Variants in SDC4 observed in about 807,000 individuals in gnomAD.
SDC4 encodes the protein syndecan-4.
Under a neutral mutation model 20.5 loss-of-function variants are expected in SDC4, and 17 were observed. The observed-to-expected ratio is 0.83, with a 90% CI of 0.57 to 1.25. The LOEUF (loss-of-function observed/expected upper bound fraction) is 1.25, where lower values mean the gene tolerates loss of function less well. Ranked by LOEUF, SDC4 falls within the 50% of genes most tolerant of loss-of-function variation. The pLI is 0.00. For missense variants in SDC4, 241 were observed against 252.3 expected, an observed-to-expected ratio of 0.96 and a Z score of 0.30; for synonymous variants, 107 against 105.3, an observed-to-expected ratio of 1.02 and a Z score of -0.10.
chr20:45,339,298 G>A (rs968093241), intron 1 of SDC4, among the ~76,000 whole-genome samples: 4 of 152,170 alleles, frequency 2.6e-5, no homozygotes, highest in East Asian at 1.9e-4. Context: ...GATGGACCCC[G>A]CCCTGCTCCT....
chr20:45,348,357 G>A lies in SDC4; in HGVS notation c.28C>T (p.Leu10=). ...GCGACTCCGCCTACGAAGAACAGCA[G>A]CAGCGCGAACAGACGGGCGGGGGCC... is the stretch of plus-strand genomic sequence containing the variant. The part of the protein sequence containing the change: MAPARLFAL[L]LFFVGGVAES... Residue 10 remains leucine (L), a synonymous_variant, in exon 1 of 5, where the codon CTG becomes TTG. Transcript: ENST00000372733. 6.3e-7 allele frequency: 1 copy of A among 1,592,550 alleles called. No homozygotes were observed. Among genetic ancestry groups the A allele is most frequent in the Non-Finnish European group, 8.5e-7 (1 of 1,170,968 alleles).
Position 45,333,041 on chromosome 20 carries a change from A to C in SDC4, c.228T>G (p.Pro76=), listed in dbSNP as rs745342005. ...LDDLEDSMIG[P]EVVHPLVPLD... ...TACTTACCAAGGGATGGACAACTTC[A>C]GGGCCGATCATGGAGTCTTCCAAGT... Residue 76 remains proline, a synonymous_variant, in exon 3 of 5, where the codon CCT becomes CCG. Transcript: ENST00000372733. 2.6e-5 allele frequency: 42 copies of C among 1,614,110 alleles called. No individual in the cohort carries two copies. The South Asian group carries it at 4.2e-4, about 16-fold the overall frequency.
intron 3 of SDC4, among the ~76,000 whole-genome samples, chr20:45,331,108 G>A (rs1168161454): frequency 6.6e-6 from 1 of 152,188 alleles, no homozygotes; most frequent in African/African-American, 2.4e-5. Flanking sequence ...TCTGGATCGG[G>A]ACCCCTTTCT....
intron 1 of SDC4, among the ~76,000 whole-genome samples, chr20:45,342,883 T>C (rs1987974987): frequency 6.6e-6 from 1 of 152,230 alleles, no homozygotes; most frequent in African/African-American, 2.4e-5. Context: ...AGCCAAACTC[T>C]GGCCGGGTTA....
chr20:45,332,072 T>C (rs1359399919), intron 3 of SDC4, among the ~76,000 whole-genome samples: 1 of 152,026 alleles, frequency 6.6e-6, no homozygotes, highest in Non-Finnish European at 1.5e-5. Context: ...ACGCAGCCTA[T>C]AAAAATGACA....
chr20:45,337,107 C>T (rs570281326), intron 1 of SDC4, among the ~76,000 whole-genome samples: 24 of 152,246 alleles, frequency 1.6e-4, no homozygotes, highest in Admixed American at 7.2e-4. Flanking sequence ...ACATCAGTTA[C>T]CCTGCTCCCA....
At chr20:45,341,647 G>A (rs1325234952) in intron 1 of SDC4, among the ~76,000 whole-genome samples, 1 of 152,174 alleles carries the variant, frequency 6.6e-6, no homozygotes, top group Non-Finnish European at 1.5e-5. Context: ...AGGTCTGGGG[G>A]TGGGGGTGGA....
At chr20:45,340,318 G>T (rs1371056904) in intron 1 of SDC4, among the ~76,000 whole-genome samples, 1 of 152,180 alleles carries the variant, frequency 6.6e-6, no homozygotes, top group Non-Finnish European at 1.5e-5. Flanking sequence ...GCCTTGCAAG[G>T]TGCTCTACCC....
At chr20:45,343,230 T>C (rs2267870) in intron 1 of SDC4, among the ~76,000 whole-genome samples, 6,273 of 152,202 alleles carry the variant, frequency 0.041, 291 homozygotes, top group East Asian at 0.28. Context: ...AGACCCCAAC[T>C]GTTGACATAT....
intron 1 of SDC4, among the ~76,000 whole-genome samples, chr20:45,339,396 C>G (rs1987922093): frequency 6.6e-6 from 1 of 152,256 alleles, no homozygotes; most frequent in South Asian, 2.1e-4. Context: ...GGCACCCTCT[C>G]TGGGCTCTCA....
chr20:45,338,789 C>T (rs934827911), intron 1 of SDC4, among the ~76,000 whole-genome samples: 3 of 152,080 alleles, frequency 2.0e-5, no homozygotes, highest in African/African-American at 7.2e-5. Context: ...TACTCAGTTT[C>T]CAAAAAAGAA....
intron 1 of SDC4, chr20:45,345,721 T>G (rs1280703316): frequency 6.6e-6 from 1 of 152,166 alleles, no homozygotes; most frequent in African/African-American, 2.4e-5. Context: ...AGGAACACCT[T>G]TGGGTGGAGG....
chr20:45,326,516 A>G lies in SDC4; in HGVS notation c.*748T>C, dbSNP rs116925341. On this transcript the variant is annotated 3_prime_UTR_variant, in exon 5 of 5. Transcript: ENST00000372733. ...AGCAGGTGCTGTGGAAATGTGCGAG[A>G]GAATGAAGACACCTCGGCACCTCCA... 3.4e-3 allele frequency: 523 copies of G among 152,454 alleles called. 5 individuals carry two copies. Among genetic ancestry groups the G allele is most frequent in the East Asian group, 0.024 (124 of 5,192 alleles). The allele number at this position is 152,454 out of a possible 1,614,324, so 9.4% of individuals were successfully genotyped here. A position where few individuals can be genotyped will look rare whatever the true frequency, so the allele number is the denominator to read the frequency against.
At chr20:45,336,345 G>A (rs1417666809) in intron 1 of SDC4, among the ~76,000 whole-genome samples, 4 of 152,166 alleles carry the variant, frequency 2.6e-5, no homozygotes, top group Non-Finnish European at 4.4e-5. Flanking sequence ...CCCGGGAGGC[G>A]GAGGTTGCAA....
chr20:45,343,275 A>G (rs556937395), intron 1 of SDC4, among the ~76,000 whole-genome samples: 5 of 152,206 alleles, frequency 3.3e-5, no homozygotes, highest in Non-Finnish European at 7.3e-5. Flanking sequence ...GGCACCATGC[A>G]GTGAAAACAT....
At position 45,326,948 on chromosome 20, in the gene SDC4, G is replaced by T. The variant is rs185535270; in HGVS notation, c.*316C>A. On this transcript the variant is annotated 3_prime_UTR_variant, in exon 5 of 5. Transcript: ENST00000372733. ...CTGGCTTCAGAGGAGCTCTGGATGA[G>T]GCATGGTCAGTATGGGCTTGAGGGC... The T allele has an allele frequency of 4.5e-6, 1 of 222,370 alleles. No homozygotes were observed. Among genetic ancestry groups the T allele is most frequent in the East Asian group, 9.4e-5 (1 of 10,688 alleles). 13.8% of individuals were successfully genotyped at this position (222,370 alleles called of 1,614,324 possible).
intron 1 of SDC4, among the ~76,000 whole-genome samples, chr20:45,342,590 AG>A (rs1160205346): frequency 1.3e-5 from 2 of 150,534 alleles, no homozygotes; most frequent in African/African-American, 4.9e-5. Context: ...CCTGGAGGAC[AG>A]GGGGAGGGGT....
rs1408090326 is a variant in SDC4, at chr20:45,348,331, G to C, written c.54C>G (p.Ala18=). The C allele has an allele frequency of 5.0e-6, 8 of 1,586,490 alleles. No individual in the cohort carries two copies. The highest frequency in any genetic ancestry group is 4.3e-6 in the Non-Finnish European group (5 of 1,167,748). Residue 18 remains alanine (A), a synonymous_variant, in exon 1 of 5, where the codon GCC becomes GCG. Transcript: ENST00000372733. ...GGAACCTCCAAGCACCCACCGACTC[G>C]GCGACTCCGCCTACGAAGAACAGCA... is the stretch of plus-strand genomic sequence containing the variant. ...ALLLFFVGGV[A]ESIRETEVID...
intron 3 of SDC4, among the ~76,000 whole-genome samples, chr20:45,330,921 C>G (rs11908379): frequency 0.039 from 5,867 of 152,288 alleles, 427 homozygotes; most frequent in African/African-American, 0.13. Context: ...CCTGGAAACT[C>G]TATTGTAAGG....
Sources: allele counts gnomAD v4.1 joint callset (sites outside exome capture counted in the v4.1 genomes callset), GRCh38; gene constraint gnomAD v4.1.1; transcripts MANE v1.5; gene names NCBI Gene and HGNC (gene_info 2026-07-23, HGNC 2026-07-21).